Variants in USP8 observed in about 807,000 individuals in gnomAD.
USP8 encodes ubiquitin carboxyl-terminal hydrolase 8.
A neutral mutation model predicts 130.0 loss-of-function variants in USP8; 27 were observed. The observed-to-expected ratio is 0.21, with a 90% CI of 0.15 to 0.29. The LOEUF (loss-of-function observed/expected upper bound fraction) is 0.29. USP8 is among the 10% of genes least tolerant of loss of function. The pLI, the probability that USP8 is intolerant of heterozygous loss-of-function variation, is 1.00. For missense variants in USP8, 1,029 were observed against 1,312.2 expected (o/e 0.78, Z 3.33); for synonymous variants, 392 against 444.1 (o/e 0.88, Z 1.48).
chr15:50,495,691 T>C (rs879018621), intron 16 of USP8, 157 bp from the exon 17 acceptor site: 1 of 581,586 alleles, frequency 1.7e-6, no homozygotes, highest in South Asian at 2.7e-5. Flanking sequence ...TATTTTTGGC[T>C]AGAATTATTT....
chr15:50,445,571 C>CAAAAAAAAAAAAAAAAAA (rs1567607079), intron 3 of USP8, among the ~76,000 whole-genome samples: 1 of 16,496 alleles, frequency 6.1e-5, no homozygotes, highest in Non-Finnish European at 1.5e-4. Flanking sequence ...AAAAAAAAAG[C>CAAAAAAAAAAAAAAAAAA]CTGGGCACAG....
chr15:50,485,896 C>T (rs191432260), intron 12 of USP8, among the ~76,000 whole-genome samples: 64 of 152,180 alleles, frequency 4.2e-4, no homozygotes, highest in African/African-American at 1.5e-3. Flanking sequence ...GATTACATAC[C>T]TAACACAATG....
intron 1 of USP8, among the ~76,000 whole-genome samples, chr15:50,432,678 A>AT (rs2049968953): frequency 6.6e-6 from 1 of 152,152 alleles, no homozygotes; most frequent in Non-Finnish European, 1.5e-5. Context: ...TACATTTTAC[A>AT]TTTTCATCCA....
chr15:50,501,854 C>T lies in USP8; in HGVS notation c.*2766C>T, dbSNP rs2052594266. On this transcript the variant is annotated 3_prime_UTR_variant, in exon 20 of 20. Coordinates refer to ENST00000307179, the MANE Select transcript of USP8 (RefSeq NM_005154.5). ...ATTTTTATATGGTTGGGGAAAAGATCCAAGTAATAATAGTATTGTTATATG... is the reference window on the plus strand; with the variant it reads ...ATTTTTATATGGTTGGGGAAAAGATTCAAGTAATAATAGTATTGTTATATG... 6.6e-6 allele frequency: 1 copy of T among 152,000 alleles called. No homozygotes were observed. Among genetic ancestry groups the T allele is most frequent in the African/African-American group, 2.4e-5 (1 of 41,356 alleles). 9.4% of individuals were successfully genotyped at this position (152,000 alleles called of 1,614,324 possible).
rs2052521532 is a variant in USP8, at chr15:50,499,074, G to A, written c.3343G>A (p.Asp1115Asn). ...FYTSLGPRVT[D>N]VAT The stretch of plus-strand genomic sequence containing the variant: ...TACTTCATTGGGACCACGAGTAACT[G>A]ATGTAGCCACATAAGGAGACATAGG... The change falls in exon 20 of 20, where the codon GAT (aspartate) becomes AAT (asparagine). Residue 1115 changes from aspartate (D) to asparagine (N), a missense_variant. Physicochemically the swap from Asp to Asn is conservative, Grantham distance 23. Coordinates refer to ENST00000307179, the MANE Select transcript of USP8 (RefSeq NM_005154.5). The A allele has an allele frequency of 6.2e-7, 1 of 1,607,796 alleles. No homozygotes were observed. Among genetic ancestry groups the A allele is most frequent in the African/African-American group, 1.3e-5 (1 of 74,648 alleles).
At chr15:50,457,027 T>G (rs2050812495) in intron 4 of USP8, among the ~76,000 whole-genome samples, 1 of 152,252 alleles carries the variant, frequency 6.6e-6, no homozygotes, top group East Asian at 1.9e-4. Flanking sequence ...GCTAAAGATG[T>G]AATTCTTGCT....
At chr15:50,494,706 C>A (rs1017470159) in intron 16 of USP8, among the ~76,000 whole-genome samples, 15 of 152,110 alleles carry the variant, frequency 9.9e-5, no homozygotes, top group African/African-American at 3.6e-4. Flanking sequence ...TTTATTCTTA[C>A]ACATCCTTCT....
chr15:50,443,094 G>A (rs62019080), intron 3 of USP8, among the ~76,000 whole-genome samples: 21,382 of 152,074 alleles, frequency 0.14, 1,981 homozygotes, highest in Middle Eastern at 0.28. Flanking sequence ...GCTGGAGTGC[G>A]GTGGCACATT....
Position 50,454,746 on chromosome 15 carries a change from C to T in USP8, c.336-4254C>T, listed in dbSNP as rs577640385. Among the ~76,000 whole-genome samples the T allele has an allele frequency of 5.3e-5, 8 of 152,154 alleles. No homozygotes were observed. In the South Asian group the frequency reaches 6.2e-4, roughly 12 times the overall value. ...CTGGGATTACAGATGTGAGCCACCACGCCCAGCCTGGATTGAATAATATTT... is the reference window on the plus strand; with the variant it reads ...CTGGGATTACAGATGTGAGCCACCATGCCCAGCCTGGATTGAATAATATTT... On this transcript the variant is annotated intron_variant, in intron 4 of 19. Coordinates refer to ENST00000307179, the MANE Select transcript of USP8 (RefSeq NM_005154.5).
chr15:50,474,176 T>A (rs1309356050), intron 8 of USP8, among the ~76,000 whole-genome samples: 4 of 151,964 alleles, frequency 2.6e-5, no homozygotes, highest in Non-Finnish European at 5.9e-5. Context: ...TTATTTTATT[T>A]TATTTTTGTA....
intron 7 of USP8, chr15:50,466,712 G>A (rs1280865642): frequency 2.4e-5 from 5 of 205,542 alleles, no homozygotes; most frequent in Non-Finnish European, 4.0e-5. Flanking sequence ...CAGAGGAACC[G>A]GTCGGTCAGG....
chr15:50,486,320 GA>G (rs1324456820), intron 12 of USP8, among the ~76,000 whole-genome samples: 13 of 151,528 alleles, frequency 8.6e-5, no homozygotes, highest in Admixed American at 6.6e-4. Context: ...CCTGTCTCTA[GA>G]AAAAAATATT....
chr15:50,444,052 A>G (rs1381784710), intron 3 of USP8, among the ~76,000 whole-genome samples: 1 of 150,004 alleles, frequency 6.7e-6, no homozygotes, highest in Non-Finnish European at 1.5e-5. Flanking sequence ...TAAAATTTGG[A>G]TAACTTTGGT....
intron 4 of USP8, 53 bp downstream of exon 4, chr15:50,449,538 A>G: frequency 7.9e-7 from 1 of 1,268,774 alleles, no homozygotes; most frequent in Non-Finnish European, 1.1e-6. Flanking sequence ...GATAAAAATA[A>G]TATTTAAGAT....
At chr15:50,452,408 C>T (rs2141269916) in intron 4 of USP8, among the ~76,000 whole-genome samples, 1 of 152,286 alleles carries the variant, frequency 6.6e-6, no homozygotes, top group East Asian at 1.9e-4. Context: ...GTAGGAGAGA[C>T]ATCAGCTCTA....
intron 8 of USP8, among the ~76,000 whole-genome samples, chr15:50,475,337 T>A (rs2051527848): frequency 1.3e-5 from 2 of 152,116 alleles, no homozygotes; most frequent in Non-Finnish European, 2.9e-5. Context: ...TGAAAAAATG[T>A]CCAACTTCAC....
chr15:50,424,634 G>A, intron 1 of USP8, 120 bp downstream of exon 1: 3 of 396,886 alleles, frequency 7.6e-6, no homozygotes, highest in Admixed American at 8.8e-5. Flanking sequence ...TCCGCGGAGA[G>A]GAGTGGGACA....
rs1305882784 is a variant in USP8, at chr15:50,507,672, T to G, written c.*8584T>G. Reference sequence around the variant, plus strand: ...CATCATAATGGAAGATTTCAACTATTGATCAAGCAGACAAAAATATTAGTA... The same window carrying G: ...CATCATAATGGAAGATTTCAACTATGGATCAAGCAGACAAAAATATTAGTA... On this transcript the variant is annotated 3_prime_UTR_variant, in exon 20 of 20. Transcript: ENST00000307179. The G allele has an allele frequency of 6.6e-6, 1 of 152,142 alleles. No individual in the cohort carries two copies. Among genetic ancestry groups the G allele is most frequent in the Non-Finnish European group, 1.5e-5 (1 of 68,024 alleles). 9.4% of individuals were successfully genotyped at this position (152,142 alleles called of 1,614,324 possible).
chr15:50,426,186 A>G (rs1228763600), intron 1 of USP8, among the ~76,000 whole-genome samples: 10 of 152,232 alleles, frequency 6.6e-5, no homozygotes, highest in Non-Finnish European at 1.3e-4. Context: ...TGGGTAAGAC[A>G]GTTGGAAAAT....
Sources: gnomAD v4.1 joint callset for allele counts (sites outside exome capture counted in the v4.1 genomes callset) on GRCh38, gnomAD v4.1.1 for gene constraint, MANE v1.5 for transcripts, NCBI Gene and HGNC (gene_info 2026-07-23, HGNC 2026-07-21) for gene names.